Variants in CSMD1 observed in about 807,000 individuals in gnomAD.
CSMD1 encodes the protein CUB and sushi domain-containing protein 1.
In CSMD1, 213 loss-of-function variants were observed where a neutral mutation model predicts 417.5. The ratio of observed to expected loss-of-function variants is 0.51; its 90% CI spans 0.46 to 0.57. The LOEUF is 0.57. Among genes scored for constraint, CSMD1 ranks in the 20% least tolerant of loss-of-function variants. CSMD1 has a pLI of 0.00. For synonymous variants in CSMD1, 2,862 were observed against 1,736.8 expected, an observed-to-expected ratio of 1.65 and a Z score of -16.11; for missense variants, 6,923 against 4,529.7, an observed-to-expected ratio of 1.53 and a Z score of -15.17.
At chr8:4,908,939 T>TCTTCCGAACGTGTTTTCCTTGC (rs1805483471) in intron 1 of CSMD1, among the ~76,000 whole-genome samples, 1 of 152,208 alleles carries the variant, frequency 6.6e-6, no homozygotes, top group Non-Finnish European at 1.5e-5. Flanking sequence ...CTGCATTGCC[T>TCTTCCGAACGTGTTTTCCTTGC]CTTCCGAACG....
At chr8:3,028,487 A>T (rs1368597476) in intron 51 of CSMD1, among the ~76,000 whole-genome samples, 3 of 152,176 alleles carry the variant, frequency 2.0e-5, no homozygotes, top group Non-Finnish European at 4.4e-5. Context: ...TATCTTAGAG[A>T]AACGGGGACC....
chr8:4,828,446 C>T (rs1799956162), intron 1 of CSMD1, among the ~76,000 whole-genome samples: 1 of 152,138 alleles, frequency 6.6e-6, no homozygotes, highest in Non-Finnish European at 1.5e-5. Flanking sequence ...AGATAATCTT[C>T]TCTCAGCCAA....
intron 26 of CSMD1, among the ~76,000 whole-genome samples, chr8:3,260,247 CAA>C (rs1188237699): frequency 1.3e-5 from 2 of 152,130 alleles, no homozygotes; most frequent in African/African-American, 4.8e-5. Context: ...ATCATTTTCT[CAA>C]AGTTGCTCTT....
chr8:4,844,129 T>G (rs1000033544), intron 1 of CSMD1, among the ~76,000 whole-genome samples: 2 of 152,154 alleles, frequency 1.3e-5, no homozygotes, highest in African/African-American at 2.4e-5. Flanking sequence ...TGGTTTTGAT[T>G]TACAAATCAT....
rs1487024803 is a variant in CSMD1, at chr8:2,978,752, C to T, written c.8426G>A (p.Gly2809Glu). 4.3e-6 allele frequency: 7 copies of T among 1,613,316 alleles called. No homozygotes were observed. In the African/African-American group the frequency reaches 8.0e-5, roughly 18 times the overall value. Residue 2809 changes from glycine to glutamate, a missense_variant, in exon 55 of 70, where the codon GGG becomes GAG. Gly to Glu is a moderately conservative substitution (Grantham distance 98, BLOSUM62 -2). Transcript: ENST00000635120. ...AAAACTCTCAGGGAAGTTCTGTTGC[C>T]CGTGACGAATGGCATTTTCCACAAA... Reference protein sequence around the residue: ...PGFVENAIRHGQQNFPESFEY... With the variant: ...PGFVENAIRHEQQNFPESFEY...
chr8:4,881,600 A>C (rs1803407271), intron 1 of CSMD1, among the ~76,000 whole-genome samples: 2 of 151,050 alleles, frequency 1.3e-5, no homozygotes, highest in African/African-American at 4.9e-5. Context: ...TTATTCAATA[A>C]ATTCATGTTT....
chr8:4,143,570 C>A (rs891262187), intron 3 of CSMD1, among the ~76,000 whole-genome samples: 1 of 150,658 alleles, frequency 6.6e-6, no homozygotes, highest in Admixed American at 6.6e-5. Flanking sequence ...TAGATATGAC[C>A]CACAGTTGTC....
At chr8:3,354,891 C>CTATCTATATATATCTA (rs1426181221) in intron 21 of CSMD1, among the ~76,000 whole-genome samples, 1 of 142,202 alleles carries the variant, frequency 7.0e-6, no homozygotes, top group Non-Finnish European at 1.5e-5. Flanking sequence ...ATAGATATGT[C>CTATCTATATATATCTA]TATCTATAGA....
chr8:3,647,313 T>C (rs1056105862), intron 7 of CSMD1, among the ~76,000 whole-genome samples: 3 of 152,216 alleles, frequency 2.0e-5, no homozygotes, highest in African/African-American at 7.2e-5. Flanking sequence ...GCCTGGGTTG[T>C]ATCCTTGGCC....
chr8:3,688,221 G>A (rs769631293), intron 7 of CSMD1, among the ~76,000 whole-genome samples: 2 of 152,174 alleles, frequency 1.3e-5, no homozygotes, highest in African/African-American at 2.4e-5. Context: ...GCGTAAGTGG[G>A]CAAAGATGAT....
chr8:3,389,029 C>G (rs1036632026), intron 17 of CSMD1, among the ~76,000 whole-genome samples: 1 of 152,070 alleles, frequency 6.6e-6, no homozygotes, highest in Non-Finnish European at 1.5e-5. Flanking sequence ...CACATGGTAC[C>G]CAATGCTGGG....
chr8:3,843,504 C>A (rs1803268998), intron 5 of CSMD1, among the ~76,000 whole-genome samples: 1 of 151,316 alleles, frequency 6.6e-6, no homozygotes, highest in Admixed American at 6.6e-5. Context: ...AAACATGAGA[C>A]AGATATGAGA....
intron 5 of CSMD1, among the ~76,000 whole-genome samples, chr8:3,847,026 G>T (rs533727571): frequency 6.6e-6 from 1 of 152,114 alleles, no homozygotes. Flanking sequence ...CAGATCAGAT[G>T]ATGCCTCTTA....
At chr8:4,327,560 G>A (rs1202745178) in intron 3 of CSMD1, among the ~76,000 whole-genome samples, 1 of 152,064 alleles carries the variant, frequency 6.6e-6, no homozygotes, top group Non-Finnish European at 1.5e-5. Flanking sequence ...CTTTCCTGTG[G>A]GGCGCTCATC....
chr8:4,138,512 C>G (rs1803577138), intron 3 of CSMD1, among the ~76,000 whole-genome samples: 1 of 152,016 alleles, frequency 6.6e-6, no homozygotes, highest in Non-Finnish European at 1.5e-5. Flanking sequence ...TACAAAATCT[C>G]AGGAGACATA....
chr8:4,054,400 C>A (rs1284132531), intron 3 of CSMD1, among the ~76,000 whole-genome samples: 2 of 152,098 alleles, frequency 1.3e-5, no homozygotes, highest in African/African-American at 4.8e-5. Context: ...GAGCCATCTA[C>A]CCTAGCTAGG....
chr8:3,588,054 G>C (rs949458239), intron 8 of CSMD1, among the ~76,000 whole-genome samples: 2 of 151,168 alleles, frequency 1.3e-5, no homozygotes, highest in Non-Finnish European at 2.9e-5. Flanking sequence ...TCATTGGTCT[G>C]TGTTTAAACC....
intron 52 of CSMD1, among the ~76,000 whole-genome samples, chr8:3,010,299 C>T (rs1563233595): frequency 6.6e-6 from 1 of 152,180 alleles, no homozygotes; most frequent in Non-Finnish European, 1.5e-5. Context: ...AGGTGGCATT[C>T]TAATTTTTCG....
chr8:4,604,570 A>C (rs539791767), intron 2 of CSMD1, among the ~76,000 whole-genome samples: 78 of 152,168 alleles, frequency 5.1e-4, no homozygotes, highest in Non-Finnish European at 8.5e-4. Context: ...TAAATCTCTA[A>C]TTTGTCAACA....
Sources: allele counts gnomAD v4.1 joint callset (sites outside exome capture counted in the v4.1 genomes callset), GRCh38; gene constraint gnomAD v4.1.1; transcripts MANE v1.5; gene names NCBI Gene and HGNC (gene_info 2026-07-23, HGNC 2026-07-21).